The following IL1RAPL1 variants were observed in gnomAD, a reference collection of about 807,000 sequenced individuals.
IL1RAPL1 encodes interleukin-1 receptor accessory protein-like 1.
IL1RAPL1 carries 3 observed loss-of-function variants against 48.4 expected under a neutral mutation model. That is an observed-to-expected ratio of 0.06 (90% CI 0.03 to 0.16). IL1RAPL1 has a LOEUF of 0.16. IL1RAPL1 is among the 10% of genes least tolerant of loss of function. IL1RAPL1 has a pLI of 1.00. For synonymous variants in IL1RAPL1, 185 were observed against 187.7 expected (o/e 0.99, Z 0.12); for missense variants, 349 against 530.6 (o/e 0.66, Z 3.36).
At position 29,917,501 on chromosome X, in the gene IL1RAPL1, G is replaced by A. The variant is rs1016840091; in HGVS notation, c.816G>A (p.Gly272=). The A allele has an allele frequency of 8.3e-7, 1 of 1,205,325 alleles. No individual in the cohort carries two copies. Among genetic ancestry groups the A allele is most frequent in the African/African-American group, 1.7e-5 (1 of 57,543 alleles). The change falls in exon 7 of 11, where the codon GGG becomes GGA. Residue 272 remains glycine (G), a synonymous_variant. Coordinates refer to ENST00000378993, the MANE Select transcript of IL1RAPL1 (RefSeq NM_014271.4). ...SANLTCRAFF[G]YSGDVSPLIY... ...ATCTAACCTGCAGAGCTTTCTTTGGGTACAGCGGAGATGTCAGTCCTTTAA... is the reference window on the plus strand; with the variant it reads ...ATCTAACCTGCAGAGCTTTCTTTGGATACAGCGGAGATGTCAGTCCTTTAA...
chrX:29,189,718 A>G (rs1930317348), intron 2 of IL1RAPL1, among the ~76,000 whole-genome samples: 1 of 111,722 alleles, frequency 9.0e-6, no homozygotes, highest in African/African-American at 3.2e-5. Context: ...ATATACGTTC[A>G]TAAATTACTT....
intron 2 of IL1RAPL1, among the ~76,000 whole-genome samples, chrX:29,123,793 A>G: frequency 8.9e-6 from 1 of 112,048 alleles, no homozygotes; most frequent in Non-Finnish European, 1.9e-5. Flanking sequence ...GTAGACTGAG[A>G]CATGTTGTTA....
intron 8 of IL1RAPL1, among the ~76,000 whole-genome samples, chrX:29,921,149 A>G (rs1932845468): frequency 8.9e-6 from 1 of 112,470 alleles, no homozygotes; most frequent in Non-Finnish European, 1.9e-5. Flanking sequence ...ATAAGTGACA[A>G]CTGTAAAATG....
chrX:29,578,139 G>GA (rs1922837237), intron 5 of IL1RAPL1, among the ~76,000 whole-genome samples: 1 of 111,793 alleles, frequency 8.9e-6, no homozygotes, highest in Non-Finnish European at 1.9e-5. Flanking sequence ...AGCCATGTGA[G>GA]AAAAATTGGA....
chrX:28,957,942 G>C lies in IL1RAPL1; in HGVS notation c.82+168517G>C, dbSNP rs189973443. On this transcript the variant is annotated intron_variant, in intron 2 of 10. Coordinates refer to ENST00000378993, the MANE Select transcript of IL1RAPL1 (RefSeq NM_014271.4). ...CCACTGCTCTGCAGCCTGGGTGACAGAGCAAGACTTCCTCTCAAAAAATAA... is the reference window on the plus strand; with the variant it reads ...CCACTGCTCTGCAGCCTGGGTGACACAGCAAGACTTCCTCTCAAAAAATAA... Among the ~76,000 whole-genome samples the C allele has an allele frequency of 8.5e-3, 932 of 110,007 alleles. 11 individuals are homozygous for C. The highest frequency in any genetic ancestry group is 0.03 in the African/African-American group (890 of 30,165).
intron 6 of IL1RAPL1, among the ~76,000 whole-genome samples, chrX:29,848,549 T>A (rs756464438): frequency 6.3e-5 from 7 of 111,378 alleles, no homozygotes; most frequent in Non-Finnish European, 1.1e-4. Flanking sequence ...TGGATGCAGG[T>A]GATAAGGACT....
At chrX:29,319,620 T>C (rs1172148496) in intron 3 of IL1RAPL1, among the ~76,000 whole-genome samples, 1 of 107,955 alleles carries the variant, frequency 9.3e-6, no homozygotes, top group Non-Finnish European at 1.9e-5. Flanking sequence ...TTCGAAATGT[T>C]GTCTCTCATT....
chrX:29,011,795 C>T (rs1926128275), intron 2 of IL1RAPL1, among the ~76,000 whole-genome samples: 1 of 112,358 alleles, frequency 8.9e-6, no homozygotes, highest in African/African-American at 3.2e-5. Context: ...AATTATAAGT[C>T]TACAAAGCTA....
intron 5 of IL1RAPL1, among the ~76,000 whole-genome samples, chrX:29,581,555 A>T (rs187021600): frequency 3.6e-5 from 4 of 112,222 alleles, no homozygotes; most frequent in African/African-American, 6.5e-5. Context: ...TGAGATTTTT[A>T]AAAATGTGTT....
chrX:29,756,738 A>G (rs766535449), intron 6 of IL1RAPL1, among the ~76,000 whole-genome samples: 97 of 112,237 alleles, frequency 8.6e-4, no homozygotes, highest in African/African-American at 2.9e-3. Flanking sequence ...ATAATCTGTT[A>G]TGGATTGGAT....
chrX:29,418,812 G>A (rs779500161), intron 5 of IL1RAPL1, among the ~76,000 whole-genome samples: 2 of 111,880 alleles, frequency 1.8e-5, no homozygotes, highest in East Asian at 5.6e-4. Context: ...TTTGGATGAT[G>A]TTTTCCATTT....
chrX:29,252,230 C>T (rs1313438085), intron 2 of IL1RAPL1, among the ~76,000 whole-genome samples: 19 of 107,927 alleles, frequency 1.8e-4, no homozygotes, highest in East Asian at 5.6e-4. Context: ...CTAACCTGCA[C>T]ATTGTGCACA....
At chrX:29,754,135 C>T (rs1214801735) in intron 6 of IL1RAPL1, among the ~76,000 whole-genome samples, 1 of 111,574 alleles carries the variant, frequency 9.0e-6, no homozygotes, top group Non-Finnish European at 1.9e-5. Context: ...CCTTCAAGTG[C>T]GTTTACTGCT....
chrX:29,685,984 C>CA (rs1250103821), intron 6 of IL1RAPL1, among the ~76,000 whole-genome samples: 189 of 78,198 alleles, frequency 2.4e-3, no homozygotes, highest in South Asian at 4.5e-3. Flanking sequence ...GACTCCGTCT[C>CA]AAAAAAAAAA....
chrX:29,005,900 A>G (rs761447585), intron 2 of IL1RAPL1, among the ~76,000 whole-genome samples: 1 of 112,078 alleles, frequency 8.9e-6, no homozygotes, highest in Non-Finnish European at 1.9e-5. Context: ...AAAGACTATA[A>G]TCTACCAAAT....
chrX:29,839,253 G>A (rs1931082437), intron 6 of IL1RAPL1, among the ~76,000 whole-genome samples: 1 of 112,177 alleles, frequency 8.9e-6, no homozygotes, highest in Non-Finnish European at 1.9e-5. Flanking sequence ...AGTTGTTGTG[G>A]AGATTAAAAT....
chrX:29,064,645 G>A (rs1220714306), intron 2 of IL1RAPL1, among the ~76,000 whole-genome samples: 5 of 111,270 alleles, frequency 4.5e-5, no homozygotes, highest in East Asian at 2.8e-4. Flanking sequence ...GCAGTGGCGC[G>A]ATCTCGGCTC....
rs78786320 is a variant in IL1RAPL1, at chrX:29,249,898, G to A, written c.83-33040G>A. Among the ~76,000 whole-genome samples the A allele has an allele frequency of 1.1e-3, 122 of 111,648 alleles. 1 individual carries two copies. The East Asian group carries it at 0.026, about 24-fold the overall frequency. ...CAAAACAGTGAAATAAAGGAAAGGC[G>A]TGAGAAAGAAAGATAAATGAAATTC... On this transcript the variant is annotated intron_variant, in intron 2 of 10. Transcript: ENST00000378993.
chrX:28,883,928 G>A (rs1417012968), intron 2 of IL1RAPL1, among the ~76,000 whole-genome samples: 1 of 111,031 alleles, frequency 9.0e-6, no homozygotes, highest in Non-Finnish European at 1.9e-5. Flanking sequence ...TTTTTTGTTT[G>A]TTTGTTTATA....
Sources: gnomAD v4.1 joint callset for allele counts (sites outside exome capture counted in the v4.1 genomes callset) on GRCh38, gnomAD v4.1.1 for gene constraint, MANE v1.5 for transcripts, NCBI Gene and HGNC (gene_info 2026-07-23, HGNC 2026-07-21) for gene names.